Variants in NCKAP5 observed in about 807,000 individuals in gnomAD.
The protein encoded by NCKAP5 is NCK associated protein 5.
Under a neutral mutation model 167.0 loss-of-function variants are expected in NCKAP5, and 92 were observed. That is an observed-to-expected ratio of 0.55 (90% CI 0.47 to 0.66). NCKAP5 has a LOEUF of 0.66. Ranked by LOEUF, NCKAP5 falls within the 30% of genes least tolerant of loss-of-function variation. NCKAP5 has a pLI of 0.00. For missense variants in NCKAP5, 2,378 were observed against 2,315.0 expected, an observed-to-expected ratio of 1.03 and a Z score of -0.56; for synonymous variants, 891 against 877.4, an observed-to-expected ratio of 1.02 and a Z score of -0.27.
At chr2:133,227,244 T>C (rs1164467908) in intron 4 of NCKAP5, among the ~76,000 whole-genome samples, 1 of 152,240 alleles carries the variant, frequency 6.6e-6, no homozygotes, top group Non-Finnish European at 1.5e-5. Flanking sequence ...ATGATTCAAA[T>C]GGCACACTTC....
intron 16 of NCKAP5, among the ~76,000 whole-genome samples, chr2:132,749,451 G>A (rs1256493821): frequency 7.9e-5 from 12 of 152,070 alleles, no homozygotes; most frequent in Non-Finnish European, 2.9e-5. Flanking sequence ...CCATCCACCC[G>A]CCTTGGCCTC....
intron 19 of NCKAP5, among the ~76,000 whole-genome samples, chr2:132,698,930 T>C (rs962497559): frequency 3.3e-5 from 5 of 152,276 alleles, no homozygotes; most frequent in East Asian, 3.9e-4. Context: ...GGCCCAGCAA[T>C]GTATGTTGTA....
At chr2:132,881,005 A>G (rs1388889448) in intron 8 of NCKAP5, among the ~76,000 whole-genome samples, 2 of 152,190 alleles carry the variant, frequency 1.3e-5, no homozygotes, top group Non-Finnish European at 1.5e-5. Context: ...AGGAAATATA[A>G]ATACAGTACC....
chr2:133,089,920 A>G (rs2081116653), intron 6 of NCKAP5, among the ~76,000 whole-genome samples: 1 of 152,198 alleles, frequency 6.6e-6, no homozygotes, highest in Non-Finnish European at 1.5e-5. Flanking sequence ...TCTACAGAGG[A>G]GCCAAAATCT....
intron 2 of NCKAP5, among the ~76,000 whole-genome samples, chr2:133,555,084 C>G (rs956926426): frequency 6.6e-6 from 1 of 152,178 alleles, no homozygotes; most frequent in Non-Finnish European, 1.5e-5. Context: ...GATCAAACAT[C>G]TCTGCTTTGC....
At chr2:132,847,497 T>C (rs1247895556) in intron 11 of NCKAP5, among the ~76,000 whole-genome samples, 5 of 152,214 alleles carry the variant, frequency 3.3e-5, no homozygotes, top group Non-Finnish European at 5.9e-5. Context: ...CTTTTCTATA[T>C]ATATTGTTTT....
intron 16 of NCKAP5, among the ~76,000 whole-genome samples, chr2:132,733,364 T>C (rs1691208043): frequency 6.6e-6 from 1 of 152,188 alleles, no homozygotes; most frequent in Non-Finnish European, 1.5e-5. Flanking sequence ...ATAATGTTTG[T>C]ACCAAAAGCT....
At chr2:133,619,508 G>A in the NCKAP5 span, among the ~76,000 whole-genome samples, 2 of 150,318 alleles carry the variant, frequency 1.3e-5, no homozygotes, top group Admixed American at 6.6e-5. Flanking sequence ...TTGAAGACAA[G>A]GCTTTTGAAT....
At chr2:133,451,055 T>C (rs568924938) in intron 3 of NCKAP5, among the ~76,000 whole-genome samples, 15 of 152,320 alleles carry the variant, frequency 9.8e-5, no homozygotes, top group African/African-American at 3.6e-4. Flanking sequence ...AATAGGGTCT[T>C]TGTAGCTGTA....
intron 2 of NCKAP5, among the ~76,000 whole-genome samples, chr2:133,520,306 C>T (rs890184652): frequency 4.6e-5 from 7 of 152,186 alleles, no homozygotes; most frequent in Non-Finnish European, 7.3e-5. Context: ...ACTACAGAGG[C>T]TTGTAAGCTA....
intron 6 of NCKAP5, among the ~76,000 whole-genome samples, chr2:133,097,412 T>C (rs2081376914): frequency 6.6e-6 from 1 of 152,218 alleles, no homozygotes; most frequent in East Asian, 1.9e-4. Flanking sequence ...CATCTCCATC[T>C]CTTTACAGAT....
intron 3 of NCKAP5, among the ~76,000 whole-genome samples, chr2:133,384,683 C>A (rs1221266043): frequency 6.6e-6 from 1 of 152,154 alleles, no homozygotes; most frequent in African/African-American, 2.4e-5. Flanking sequence ...TCTTCCTACC[C>A]ATGAGCATGG....
At chr2:132,940,334 A>G (rs767206549) in intron 8 of NCKAP5, among the ~76,000 whole-genome samples, 1 of 152,186 alleles carries the variant, frequency 6.6e-6, no homozygotes, top group Non-Finnish European at 1.5e-5. Context: ...CTCAAGACAG[A>G]GTCCATTTCT....
At chr2:132,846,324 A>G (rs567121040) in intron 11 of NCKAP5, among the ~76,000 whole-genome samples, 41 of 151,350 alleles carry the variant, frequency 2.7e-4, no homozygotes, top group African/African-American at 9.5e-4. Context: ...TTTCATGGTG[A>G]CTCTTTTTTT....
Position 132,672,812 on chromosome 2 carries a change from G to T in NCKAP5, c.*477C>A. ...GATTCTGTATCATAGATGTGTTTAC[G>T]CTTAATCCTCTTGAAACACAATAAA... On this transcript the variant is annotated 3_prime_UTR_variant, in exon 20 of 20. Coordinates refer to ENST00000409261, the MANE Select transcript of NCKAP5 (RefSeq NM_207363.3). 5 of 300,286 alleles carry T rather than the reference G, an allele frequency of 1.7e-5. No individual in the cohort carries two copies. The highest frequency in any genetic ancestry group is 2.5e-5 in the Non-Finnish European group (5 of 203,406). The allele number at this position is 300,286 out of a possible 1,614,324, so 18.6% of individuals were successfully genotyped here.
chr2:133,070,746 A>T (rs905769847), intron 6 of NCKAP5, among the ~76,000 whole-genome samples: 4 of 152,038 alleles, frequency 2.6e-5, no homozygotes, highest in Admixed American at 6.6e-5. Flanking sequence ...CAGGTGTGTG[A>T]GTGTGTGTGT....
chr2:132,874,382 A>G (rs1193261502), intron 9 of NCKAP5, among the ~76,000 whole-genome samples: 1 of 152,150 alleles, frequency 6.6e-6, no homozygotes, highest in Non-Finnish European at 1.5e-5. Context: ...TGTTGGGATT[A>G]CAGGTGTGAG....
chr2:133,557,691 G>T (rs1687838756), intron 2 of NCKAP5, among the ~76,000 whole-genome samples: 1 of 152,354 alleles, frequency 6.6e-6, no homozygotes, highest in East Asian at 1.9e-4. Flanking sequence ...TTCTGTAGAG[G>T]TTATAATTAG....
In NCKAP5 at chr2:132,933,003, C is replaced by G. The variant is rs527975865; in HGVS notation, c.579+30717G>C. ...GCAGTGGAACGATCTCGGCTCACTG[C>G]AAGCTCCGCCTCCCGGGTTCACGCC... On this transcript the variant is annotated intron_variant, in intron 8 of 19. Transcript: ENST00000409261. 8.7e-5 allele frequency among the ~76,000 whole-genome samples: 13 copies of G among 149,000 alleles called. No homozygotes were observed. In the South Asian group the frequency reaches 2.3e-3, roughly 27 times the overall value.
Sources: gnomAD v4.1 joint callset for allele counts (sites outside exome capture counted in the v4.1 genomes callset) on GRCh38, gnomAD v4.1.1 for gene constraint, MANE v1.5 for transcripts, NCBI Gene and HGNC (gene_info 2026-07-23, HGNC 2026-07-21) for gene names.